Variants in VNN2 observed in about 807,000 individuals in gnomAD.
VNN2 encodes the protein pantetheine hydrolase VNN2.
Under a neutral mutation model 43.0 loss-of-function variants are expected in VNN2, and 43 were observed. The observed-to-expected ratio is 1.00, with a 90% CI of 0.78 to 1.29. The LOEUF is 1.29. Among genes scored for constraint, VNN2 ranks in the 50% most tolerant of loss-of-function variants. VNN2 has a pLI of 0.00. For missense variants in VNN2, 652 were observed against 619.7 expected, an observed-to-expected ratio of 1.05 and a Z score of -0.55; for synonymous variants, 230 against 224.3, an observed-to-expected ratio of 1.03 and a Z score of -0.23.
Position 132,749,880 on chromosome 6 carries a change from C to T in VNN2, c.1201-15G>A, listed in dbSNP as rs775868526. On this transcript the variant is annotated splice_polypyrimidine_tract_variant and intron_variant, in intron 5 of 6. Coordinates refer to ENST00000326499, the MANE Select transcript of VNN2 (RefSeq NM_004665.6). ...AGTGTGCAGACCTATGTGGAACAAA[C>T]GCAGATAAAACGCAATGCCTTACAT... 4.0e-5 allele frequency: 64 copies of T among 1,604,030 alleles called. 1 individual carries two copies. The highest frequency in any genetic ancestry group is 2.7e-4 in the South Asian group (24 of 89,302).
chr6:132,745,483 T>C (rs1220876686), intron 6 of VNN2, among the ~76,000 whole-genome samples: 1 of 152,242 alleles, frequency 6.6e-6, no homozygotes, highest in Non-Finnish European at 1.5e-5. Flanking sequence ...CCCAAAGTGC[T>C]GGGATTACAG....
intron 2 of VNN2, 75 bp from the exon 3 acceptor site, chr6:132,756,110 C>T (rs1462122745): frequency 1.5e-6 from 2 of 1,334,778 alleles, no homozygotes; most frequent in East Asian, 2.5e-5. Context: ...ACGATAGCAA[C>T]TGTAACCACT....
chr6:132,757,817 G>C lies in VNN2; in HGVS notation c.67C>G (p.Gln23Glu), dbSNP rs746485389. The change falls in exon 1 of 7, where the codon CAG (glutamine) becomes GAG (glutamate). Residue 23 changes from glutamine (Q) to glutamate (E), a missense_variant. Gln to Glu is a conservative substitution (Grantham distance 29). Transcript: ENST00000326499. ...FALITLQVGTQDSFIAAVYEH... is the reference protein window; with the variant it reads ...FALITLQVGTEDSFIAAVYEH... Reference sequence around the variant, plus strand: ...TACACTGCAGCTATAAAACTGTCCTGAGTACCAACCTGCAGGGTTATTAGG... The same window carrying C: ...TACACTGCAGCTATAAAACTGTCCTCAGTACCAACCTGCAGGGTTATTAGG... 2.8e-5 allele frequency: 45 copies of C among 1,614,086 alleles called. No individual in the cohort carries two copies. Among genetic ancestry groups the C allele is most frequent in the Non-Finnish European group, 3.7e-5 (44 of 1,180,020 alleles).
intron 4 of VNN2, among the ~76,000 whole-genome samples, chr6:132,752,152 G>T (rs1479464189): frequency 6.6e-6 from 1 of 152,196 alleles, no homozygotes; most frequent in East Asian, 1.9e-4. Context: ...GGCCACTGAG[G>T]AAAGTAGTAG....
At chr6:132,752,357 G>C (rs2114573506) in intron 4 of VNN2, 104 bp downstream of exon 4, 2 of 1,350,216 alleles carry the variant, frequency 1.5e-6, no homozygotes, top group South Asian at 3.0e-5. Flanking sequence ...GACAAACACA[G>C]TAAGAATTTC....
rs939496947 is a variant in VNN2 at position 132,746,163 on chromosome 6, C to A, written c.1372-1672G>T. Reference sequence around the variant, plus strand: ...GTTAGTTACAGAGAACAGACTCTGCCAGTGCTTCTGACAATACACCAGAGT... The same window carrying A: ...GTTAGTTACAGAGAACAGACTCTGCAAGTGCTTCTGACAATACACCAGAGT... On this transcript the variant is annotated intron_variant, in intron 6 of 6. Coordinates refer to ENST00000326499, the MANE Select transcript of VNN2 (RefSeq NM_004665.6). Among the ~76,000 whole-genome samples, 53 of 152,214 alleles carry A rather than the reference C, an allele frequency of 3.5e-4. 1 individual carries two copies. Among genetic ancestry groups the A allele is most frequent in the Admixed American group, 2.6e-4 (4 of 15,290 alleles).
At position 132,749,532 on chromosome 6, in the gene VNN2, C is replaced by T. The variant is rs1183968031; in HGVS notation, c.1371+163G>A. On this transcript the variant is annotated intron_variant, in intron 6 of 6. Coordinates refer to ENST00000326499, the MANE Select transcript of VNN2 (RefSeq NM_004665.6). ...ATCTCAGACCAGAAAAACAGCCTAC[C>T]TACCCCAAGTTCAAATTGCCAACCC... Among the ~76,000 whole-genome samples, 13 of 152,180 alleles carry T rather than the reference C, an allele frequency of 8.5e-5. 1 individual carries two copies. The highest frequency in any genetic ancestry group is 2.9e-4 in the African/African-American group (12 of 41,432).
At chr6:132,756,769 T>C (rs530968150) in intron 2 of VNN2, among the ~76,000 whole-genome samples, 1 of 152,352 alleles carries the variant, frequency 6.6e-6, no homozygotes, top group South Asian at 2.1e-4. Flanking sequence ...GGTGAACTCA[T>C]CATGGTGTTT....
intron 6 of VNN2, among the ~76,000 whole-genome samples, chr6:132,745,925 G>C (rs34245488): frequency 1.3e-5 from 2 of 152,214 alleles, no homozygotes; most frequent in African/African-American, 4.8e-5. Context: ...AGTTGGAGTG[G>C]AGAAGAAATT....
At chr6:132,750,156 C>A (rs887950309) in intron 5 of VNN2, among the ~76,000 whole-genome samples, 1 of 152,090 alleles carries the variant, frequency 6.6e-6, no homozygotes, top group Non-Finnish European at 1.5e-5. Context: ...AAGTGGAGAT[C>A]TTTGGGCAAC....
intron 3 of VNN2, 40 bp from the exon 4 acceptor site, chr6:132,752,789 T>A: frequency 6.4e-7 from 1 of 1,566,996 alleles, no homozygotes; most frequent in Non-Finnish European, 8.6e-7. Flanking sequence ...AAAACCTTAT[T>A]TGTTGAAGAA....
intron 6 of VNN2, among the ~76,000 whole-genome samples, chr6:132,744,865 A>T (rs1228807524): frequency 1.3e-5 from 2 of 152,188 alleles, no homozygotes; most frequent in Non-Finnish European, 2.9e-5. Context: ...TAAAGAGAGA[A>T]ATCAGTTTAT....
At chr6:132,748,197 T>C (rs1257375109) in intron 6 of VNN2, among the ~76,000 whole-genome samples, 1 of 152,196 alleles carries the variant, frequency 6.6e-6, no homozygotes, top group Non-Finnish European at 1.5e-5. Flanking sequence ...CAGATAGATA[T>C]TTATGTCAGT....
At chr6:132,749,573 A>T in intron 6 of VNN2, 122 bp downstream of exon 6, 1 of 1,049,822 alleles carries the variant, frequency 9.5e-7, no homozygotes, top group South Asian at 1.7e-5. Flanking sequence ...ACCAGGGCTA[A>T]AGAAATGGTT....
upstream of VNN2, among the ~76,000 whole-genome samples, chr6:132,758,829 G>GC (rs1453319860): frequency 2.6e-5 from 4 of 152,162 alleles, no homozygotes; most frequent in Admixed American, 1.3e-4. Context: ...TATAGTTAGT[G>GC]CCTACAGCAA....
chr6:132,748,353 C>G (rs9321365), intron 6 of VNN2, among the ~76,000 whole-genome samples: 35,044 of 152,106 alleles, frequency 0.23, 5,512 homozygotes, highest in African/African-American at 0.44. Flanking sequence ...GGCAGCAAAG[C>G]ATTCCTGATC....
At chr6:132,762,021 G>A (rs890612777), upstream of VNN2, among the ~76,000 whole-genome samples, 8 of 152,136 alleles carry the variant, frequency 5.3e-5, no homozygotes, top group Non-Finnish European at 1.0e-4. Context: ...TTCATTGTTA[G>A]GCCCACAGAA....
chr6:132,746,609 C>A (rs1008052226), intron 6 of VNN2, among the ~76,000 whole-genome samples: 1 of 152,066 alleles, frequency 6.6e-6, no homozygotes. Context: ...AGATCACCAG[C>A]CCTAAAGAGA....
intron 4 of VNN2, among the ~76,000 whole-genome samples, chr6:132,752,159 G>A (rs1254246733): frequency 6.6e-6 from 1 of 152,236 alleles, no homozygotes; most frequent in African/African-American, 2.4e-5. Flanking sequence ...GAGGAAAGTA[G>A]TAGCTGGGTA....
Sources: gnomAD v4.1 joint callset for allele counts (sites outside exome capture counted in the v4.1 genomes callset) on GRCh38, gnomAD v4.1.1 for gene constraint, MANE v1.5 for transcripts, NCBI Gene and HGNC (gene_info 2026-07-23, HGNC 2026-07-21) for gene names.